Variants in ROBO1 observed in about 807,000 individuals in gnomAD.
ROBO1 encodes roundabout homolog 1.
Under a neutral mutation model 195.9 loss-of-function variants are expected in ROBO1, and 149 were observed. The observed-to-expected ratio is 0.76, with a 90% CI of 0.67 to 0.87. The LOEUF (loss-of-function observed/expected upper bound fraction) is 0.87, where lower values mean the gene tolerates loss of function less well. ROBO1 is among the 40% of genes least tolerant of loss of function. The pLI is 0.00. For synonymous variants in ROBO1, 816 were observed against 733.2 expected (o/e 1.11, Z -1.82); for missense variants, 1,933 against 2,068.3 (o/e 0.93, Z 1.27).
intron 1 of ROBO1, among the ~76,000 whole-genome samples, chr3:79,614,171 A>G (rs1455701986): frequency 2.6e-5 from 4 of 152,026 alleles, no homozygotes; most frequent in Non-Finnish European, 4.4e-5. Context: ...TTTATAGAAC[A>G]CTCTAGCAAA....
At chr3:78,727,327 T>G (rs574275851) in intron 5 of ROBO1, among the ~76,000 whole-genome samples, 1 of 152,306 alleles carries the variant, frequency 6.6e-6, no homozygotes, top group Admixed American at 6.5e-5. Context: ...AAAAGAATAC[T>G]TTAAAAAACT....
At chr3:79,408,967 CTT>C (rs1452326363) in intron 2 of ROBO1, among the ~76,000 whole-genome samples, 2 of 152,028 alleles carry the variant, frequency 1.3e-5, no homozygotes, top group African/African-American at 4.8e-5. Flanking sequence ...AGAAAATACA[CTT>C]TGAGTTTCTA....
rs1268961679 is a variant in ROBO1 at position 79,397,068 on chromosome 3, G to GA, written c.88+192755dup. ...AAATATTCCCTGGATACTAAAACGT[G>GA]AAAAATATACTCTTTGAATAATAGA... On this transcript the variant is annotated intron_variant, in intron 2 of 30. Coordinates refer to ENST00000464233, the MANE Select transcript of ROBO1 (RefSeq NM_002941.4). Among the ~76,000 whole-genome samples the GA allele has an allele frequency of 2.0e-5, 3 of 151,868 alleles. No homozygotes were observed. In the East Asian group the frequency reaches 5.8e-4, roughly 29 times the overall value.
intron 10 of ROBO1, among the ~76,000 whole-genome samples, chr3:78,671,750 T>C (rs752908582): frequency 5.3e-5 from 8 of 152,178 alleles, no homozygotes; most frequent in Non-Finnish European, 1.2e-4. Flanking sequence ...AGTTTGAAAC[T>C]TGGCAGAAGG....
At chr3:79,060,030 GGGAAA>G (rs2078886536) in intron 3 of ROBO1, among the ~76,000 whole-genome samples, 1 of 151,906 alleles carries the variant, frequency 6.6e-6, no homozygotes, top group Non-Finnish European at 1.5e-5. Context: ...GAGTAGCCCT[GGGAAA>G]GGAATGCATT....
At chr3:78,994,712 T>C (rs904764670) in intron 3 of ROBO1, among the ~76,000 whole-genome samples, 2 of 152,228 alleles carry the variant, frequency 1.3e-5, no homozygotes, top group African/African-American at 4.8e-5. Context: ...TTTGTGTACA[T>C]TAACTCAATG....
chr3:79,201,611 T>C (rs2108779900), intron 2 of ROBO1, among the ~76,000 whole-genome samples: 2 of 152,052 alleles, frequency 1.3e-5, no homozygotes, highest in South Asian at 4.1e-4. Context: ...TCTGGGGCTT[T>C]GGAGTTGGCC....
intron 5 of ROBO1, among the ~76,000 whole-genome samples, chr3:78,738,173 C>T (rs2082436883): frequency 6.6e-6 from 1 of 152,024 alleles, no homozygotes; most frequent in Non-Finnish European, 1.5e-5. Context: ...AAGGAGTGGG[C>T]TGAATGCCAA....
chr3:79,734,865 T>C (rs1387683568), intron 1 of ROBO1, among the ~76,000 whole-genome samples: 1 of 152,172 alleles, frequency 6.6e-6, no homozygotes, highest in Non-Finnish European at 1.5e-5. Context: ...GTTTTAAAAA[T>C]AGCTAACCCT....
chr3:79,082,907 G>C (rs555593351), intron 3 of ROBO1, among the ~76,000 whole-genome samples: 1 of 152,176 alleles, frequency 6.6e-6, no homozygotes, highest in East Asian at 1.9e-4. Context: ...CCCTAGGAAC[G>C]AAACTGTCCT....
intron 5 of ROBO1, among the ~76,000 whole-genome samples, chr3:78,723,978 T>A (rs1477310398): frequency 6.6e-6 from 1 of 152,132 alleles, no homozygotes; most frequent in African/African-American, 2.4e-5. Context: ...CAACATTCTG[T>A]TATATACTCA....
chr3:78,844,398 C>T (rs1434382643), intron 4 of ROBO1, among the ~76,000 whole-genome samples: 1 of 152,040 alleles, frequency 6.6e-6, no homozygotes, highest in Non-Finnish European at 1.5e-5. Flanking sequence ...CCCGCAGAGT[C>T]TCTTGGCCTT....
At chr3:79,477,456 C>T (rs1938603019) in intron 2 of ROBO1, among the ~76,000 whole-genome samples, 1 of 152,058 alleles carries the variant, frequency 6.6e-6, no homozygotes, top group East Asian at 1.9e-4. Context: ...AGTCCTTGAA[C>T]ATTAAGTTTT....
At chr3:79,208,454 T>C (rs916845503) in intron 2 of ROBO1, among the ~76,000 whole-genome samples, 1 of 152,172 alleles carries the variant, frequency 6.6e-6, no homozygotes, top group Non-Finnish European at 1.5e-5. Flanking sequence ...AATGGTTGGA[T>C]AGGCTTGAAG....
chr3:79,093,196 C>A (rs1426431810), intron 3 of ROBO1, among the ~76,000 whole-genome samples: 1 of 151,992 alleles, frequency 6.6e-6, no homozygotes, highest in African/African-American at 2.4e-5. Context: ...TGGGGTAACA[C>A]CAGGTTTGGA....
rs144252015 is a variant in ROBO1 at position 78,918,397 on chromosome 3, G to T, written c.499+20204C>A. On this transcript the variant is annotated intron_variant, in intron 4 of 30. Transcript: ENST00000464233. ...ATGTATGAAAACCAACCATGACAGA[G>T]AGCGGCTTGGAAAAGTTATTAACCC... Among the ~76,000 whole-genome samples, 84 of 152,258 alleles carry T rather than the reference G, an allele frequency of 5.5e-4. No homozygotes were observed. In the East Asian group the frequency reaches 0.015, roughly 28 times the overall value.
intron 3 of ROBO1, among the ~76,000 whole-genome samples, chr3:79,051,220 G>A (rs962285942): frequency 1.3e-5 from 2 of 152,108 alleles, no homozygotes; most frequent in African/African-American, 4.8e-5. Context: ...AAATGATAAA[G>A]GGGATATCAC....
At chr3:78,913,152 T>G (rs997573691) in intron 4 of ROBO1, among the ~76,000 whole-genome samples, 2 of 152,164 alleles carry the variant, frequency 1.3e-5, no homozygotes, top group Admixed American at 6.6e-5. Flanking sequence ...TGTGCATTTC[T>G]ACGATGGAAT....
chr3:79,684,314 C>T (rs1947036600), intron 1 of ROBO1, among the ~76,000 whole-genome samples: 1 of 152,120 alleles, frequency 6.6e-6, no homozygotes, highest in Non-Finnish European at 1.5e-5. Context: ...CTTACATAAA[C>T]ATAATATACA....
Sources: allele counts gnomAD v4.1 joint callset (sites outside exome capture counted in the v4.1 genomes callset), GRCh38; gene constraint gnomAD v4.1.1; transcripts MANE v1.5; gene names NCBI Gene and HGNC (gene_info 2026-07-23, HGNC 2026-07-21).